Variants in EYS observed in about 807,000 individuals in gnomAD.
EYS encodes the protein protein eyes shut homolog.
EYS carries 250 observed loss-of-function variants against 282.1 expected under a neutral mutation model. The observed-to-expected ratio is 0.89, with a 90% CI of 0.80 to 0.98. EYS has a LOEUF of 0.98. EYS is among the 50% of genes least tolerant of loss of function. The pLI is 0.00. For synonymous variants in EYS, 1,355 were observed against 1,282.9 expected (o/e 1.06, Z -1.20); for missense variants, 4,016 against 3,709.0 (o/e 1.08, Z -2.15).
At chr6:64,159,641 C>A (rs1490403768) in intron 31 of EYS, among the ~76,000 whole-genome samples, 1 of 145,900 alleles carries the variant, frequency 6.9e-6, no homozygotes, top group Non-Finnish European at 1.5e-5. Flanking sequence ...TGAATATTTT[C>A]AATTCTTGTT....
intron 2 of EYS, among the ~76,000 whole-genome samples, chr6:65,610,933 T>C (rs920088362): frequency 2.6e-5 from 4 of 152,094 alleles, no homozygotes; most frequent in Admixed American, 2.6e-4. Context: ...AAAAGATTCA[T>C]TATCTTTATG....
At chr6:63,803,947 T>A (rs1363773802) in intron 37 of EYS, among the ~76,000 whole-genome samples, 1 of 152,194 alleles carries the variant, frequency 6.6e-6, no homozygotes, top group African/African-American at 2.4e-5. Flanking sequence ...CTTACTTTGG[T>A]GAAGGTGGCT....
chr6:65,651,990 C>T (rs545544577), intron 1 of EYS, among the ~76,000 whole-genome samples: 1 of 152,026 alleles, frequency 6.6e-6, no homozygotes, highest in South Asian at 2.1e-4. Flanking sequence ...AATCCCTAGG[C>T]TCCATCTCAC....
intron 30 of EYS, among the ~76,000 whole-genome samples, chr6:64,293,953 T>C (rs1768808310): frequency 6.6e-6 from 1 of 152,158 alleles, no homozygotes; most frequent in Non-Finnish European, 1.5e-5. Context: ...ATCTTTCATA[T>C]TTTAGGCATA....
intron 12 of EYS, among the ~76,000 whole-genome samples, chr6:65,060,881 T>G (rs539181625): frequency 6.6e-6 from 1 of 151,462 alleles, no homozygotes; most frequent in South Asian, 2.1e-4. Context: ...GCTCTTAGAA[T>G]AGCTACTGTC....
intron 33 of EYS, among the ~76,000 whole-genome samples, chr6:64,045,689 T>TGAG (rs1770589714): frequency 6.6e-6 from 1 of 150,742 alleles, no homozygotes; most frequent in Non-Finnish European, 1.5e-5. Context: ...TCAGATGATC[T>TGAG]GCCCGCCTCG....
intron 10 of EYS, among the ~76,000 whole-genome samples, chr6:65,335,483 A>T (rs1769953488): frequency 6.6e-6 from 1 of 151,790 alleles, no homozygotes; most frequent in African/African-American, 2.4e-5. Flanking sequence ...TTTTCTGATA[A>T]GCAATTGTAG....
intron 1 of EYS, among the ~76,000 whole-genome samples, chr6:65,706,147 ATGAT>A (rs1177559090): frequency 2.0e-5 from 3 of 151,692 alleles, no homozygotes; most frequent in African/African-American, 7.2e-5. Context: ...TTTAGGCAGA[ATGAT>A]TGATAGACAT....
chr6:65,244,502 C>CTATTTATT (rs369691470), intron 12 of EYS, among the ~76,000 whole-genome samples: 4 of 151,466 alleles, frequency 2.6e-5, no homozygotes, highest in African/African-American at 4.8e-5. Context: ...ATTATCCGAA[C>CTATTTATT]TATTTATTTA....
intron 31 of EYS, among the ~76,000 whole-genome samples, chr6:64,092,792 C>T (rs1473879123): frequency 3.3e-5 from 5 of 151,344 alleles, no homozygotes; most frequent in African/African-American, 1.2e-4. Flanking sequence ...CTTTTGTTGC[C>T]ATTGCTTCTG....
intron 35 of EYS, among the ~76,000 whole-genome samples, chr6:63,921,318 C>G (rs1462706267): frequency 6.6e-6 from 1 of 152,202 alleles, no homozygotes; most frequent in Non-Finnish European, 1.5e-5. Context: ...GCCATGAAAC[C>G]CTGTGTGGTG....
chr6:64,065,014 G>C (rs1771315088), intron 33 of EYS, among the ~76,000 whole-genome samples: 1 of 152,158 alleles, frequency 6.6e-6, no homozygotes, highest in African/African-American at 2.4e-5. Flanking sequence ...TTACCTTAGA[G>C]TAATTTCATT....
intron 30 of EYS, among the ~76,000 whole-genome samples, chr6:64,234,258 CT>C (rs34953836): frequency 4.7e-5 from 7 of 149,644 alleles, no homozygotes; most frequent in African/African-American, 9.8e-5. Context: ...AGAAAACTCA[CT>C]TTTTTTTTTA....
At chr6:64,352,400 T>C (rs588603) in intron 29 of EYS, among the ~76,000 whole-genome samples, 114,138 of 151,358 alleles carry the variant, frequency 0.75, 43,672 homozygotes, top group African/African-American at 0.9. Flanking sequence ...GTGTTCAATA[T>C]ACGTTCACTA....
chr6:64,276,119 G>A (rs545087789), intron 30 of EYS, among the ~76,000 whole-genome samples: 1 of 152,040 alleles, frequency 6.6e-6, no homozygotes, highest in East Asian at 1.9e-4. Flanking sequence ...AATATTTTAA[G>A]GTTTGGTCTT....
At chr6:64,090,346 T>G (rs2150251085) in intron 31 of EYS, among the ~76,000 whole-genome samples, 1 of 152,312 alleles carries the variant, frequency 6.6e-6, no homozygotes, top group East Asian at 1.9e-4. Context: ...CATATTCATC[T>G]GTTTAATGGA....
intron 35 of EYS, among the ~76,000 whole-genome samples, chr6:63,954,156 A>G (rs1765714847): frequency 6.6e-6 from 1 of 152,110 alleles, no homozygotes; most frequent in African/African-American, 2.4e-5. Context: ...GTGACTGTAT[A>G]TCTCTGATCC....
chr6:64,463,185 T>C (rs752925720), intron 26 of EYS, among the ~76,000 whole-genome samples: 1 of 152,068 alleles, frequency 6.6e-6, no homozygotes, highest in African/African-American at 2.4e-5. Flanking sequence ...TCTCCTGACC[T>C]GGTGATCTGC....
In EYS at chr6:64,434,094, T is replaced by C. The variant is rs1012726782; in HGVS notation, c.5927+2080A>G. On this transcript the variant is annotated intron_variant, in intron 28 of 42. Transcript: ENST00000503581. Reference sequence around the variant, plus strand: ...AAAATGAGGTCATTATGGTAGGCTTTAATCCAATGTGTCTGGTGATCTTAT... The same window carrying C: ...AAAATGAGGTCATTATGGTAGGCTTCAATCCAATGTGTCTGGTGATCTTAT... Among the ~76,000 whole-genome samples, 42 of 152,010 alleles carry C rather than the reference T, an allele frequency of 2.8e-4. 1 individual carries two copies. The highest frequency in any genetic ancestry group is 2.5e-3 in the Admixed American group (38 of 15,224).
Sources: allele counts gnomAD v4.1 joint callset (sites outside exome capture counted in the v4.1 genomes callset), GRCh38; gene constraint gnomAD v4.1.1; transcripts MANE v1.5; gene names NCBI Gene and HGNC (gene_info 2026-07-23, HGNC 2026-07-21).